The following CEBPZ variants were observed in gnomAD, a reference collection of about 807,000 sequenced individuals.
CEBPZ encodes the protein CCAAT enhancer binding protein zeta, also known as CCAAT/enhancer-binding protein zeta.
A neutral mutation model predicts 104.5 loss-of-function variants in CEBPZ; 78 were observed. The ratio of observed to expected loss-of-function variants is 0.75; its 90% confidence interval spans 0.62 to 0.90. The LOEUF (loss-of-function observed/expected upper bound fraction) is 0.90. Among genes scored for constraint, CEBPZ ranks in the 40% least tolerant of loss-of-function variants. The pLI is 0.00. For missense variants in CEBPZ, 1,439 were observed against 1,233.5 expected (o/e 1.17, Z -2.50); for synonymous variants, 470 against 427.0 (o/e 1.10, Z -1.24).
intron 13 of CEBPZ, 84 bp downstream of exon 13, chr2:37,210,915 T>A: frequency 7.6e-6 from 6 of 786,900 alleles, no homozygotes; most frequent in Non-Finnish European, 9.7e-6. Flanking sequence ...ATTAATCAAA[T>A]TTAGGAGAGT....
At chr2:37,207,901 G>C (rs60063142) in intron 13 of CEBPZ, among the ~76,000 whole-genome samples, 321 of 152,154 alleles carry the variant, frequency 2.1e-3, no homozygotes, top group African/African-American at 7.0e-3. Flanking sequence ...TAGACCATTA[G>C]CAAGATTAAC....
chr2:37,225,064 AAACAAACT>A (rs1399907958), intron 2 of CEBPZ, among the ~76,000 whole-genome samples: 7 of 151,666 alleles, frequency 4.6e-5, no homozygotes, highest in East Asian at 1.9e-4. Context: ...ACAAACAAAC[AAACAAACT>A]AACAAAAACA....
At chr2:37,204,323 G>A (rs1677444818) in intron 13 of CEBPZ, 1 of 147,652 alleles carries the variant, frequency 6.8e-6, no homozygotes, top group Non-Finnish European at 1.5e-5. Context: ...TTGTCGCCAG[G>A]CTGGAGTACA....
rs200775970 is a variant in CEBPZ at position 37,228,063 on chromosome 2, G to A, written c.1130C>T (p.Pro377Leu). Residue 377 changes from proline (P) to leucine (L), a missense_variant, in exon 2 of 16, where the codon CCT becomes CTT. By Grantham distance (98) the Pro-to-Leu change is moderately conservative. Transcript: ENST00000234170. ...CACAAGAAGAGCCTTTTCTTCCTCA[G>A]GCTTGTTACAAAGCAGCTCATGAGC... is the stretch of plus-strand genomic sequence containing the variant. The part of the protein sequence containing the change: ...TVAHELLCNK[P>L]EEEKALLVQV... 6 of 1,614,142 alleles carry A rather than the reference G, an allele frequency of 3.7e-6. No homozygotes were observed. The highest frequency in any genetic ancestry group is 2.7e-5 in the African/African-American group (2 of 75,032).
In CEBPZ at chr2:37,223,284, C is replaced by T. The variant is rs375784211; in HGVS notation, c.1767G>A (p.Arg589=). Reference sequence around the variant, plus strand: ...TCTGTTGACAAGTAACTTGAAGTAACCTCTTCACAAAAGCCTTCACCCGGC... The same window carrying T: ...TCTGTTGACAAGTAACTTGAAGTAATCTCTTCACAAAAGCCTTCACCCGGC... ...VLRRVKAFVK[R]LLQVTCQQMP... The change falls in exon 3 of 16, where the codon AGG becomes AGA. Residue 589 remains arginine, a synonymous_variant. Transcript: ENST00000234170. 10 of 1,613,956 alleles carry T rather than the reference C, an allele frequency of 6.2e-6. No individual in the cohort carries two copies. Among genetic ancestry groups the T allele is most frequent in the Non-Finnish European group, 8.5e-6 (10 of 1,180,004 alleles).
intron 2 of CEBPZ, among the ~76,000 whole-genome samples, chr2:37,224,253 T>C (rs1219727545): frequency 1.3e-5 from 2 of 152,214 alleles, no homozygotes; most frequent in African/African-American, 4.8e-5. Context: ...TCTACTTTGA[T>C]CTCATGATAC....
At chr2:37,226,682 G>A (rs977241580) in intron 2 of CEBPZ, among the ~76,000 whole-genome samples, 2 of 152,102 alleles carry the variant, frequency 1.3e-5, no homozygotes, top group African/African-American at 4.8e-5. Flanking sequence ...CCCAGGCGGC[G>A]TGGCTTAAGT....
In CEBPZ at chr2:37,231,416, G is replaced by C; in HGVS notation, c.152C>G (p.Thr51Ser). The C allele has an allele frequency of 6.2e-7, 1 of 1,613,938 alleles. No individual in the cohort carries two copies. The highest frequency in any genetic ancestry group is 8.5e-7 in the Non-Finnish European group (1 of 1,179,982). ...CCCGGAGCCCGCGGCCGTTACCTTGGTGCCTCCGAGCCGTAACACTTCCTC... is the reference window on the plus strand; with the variant it reads ...CCCGGAGCCCGCGGCCGTTACCTTGCTGCCTCCGAGCCGTAACACTTCCTC... Reference protein sequence around the residue: ...SLEEVLRLGGTKQDYLMLATL... With the variant: ...SLEEVLRLGGSKQDYLMLATL... The change falls in exon 1 of 16, where the codon ACC becomes AGC. Residue 51 changes from threonine to serine, a missense_variant. Thr to Ser is a moderately conservative substitution (Grantham distance 58, BLOSUM62 1). Transcript: ENST00000234170.
At chr2:37,210,725 C>G (rs1677694302) in intron 13 of CEBPZ, 1 of 318,678 alleles carries the variant, frequency 3.1e-6, no homozygotes, top group Non-Finnish European at 5.9e-6. Flanking sequence ...AAGAACTTAC[C>G]TATGTAACCA....
At chr2:37,211,344 AAAC>A in intron 12 of CEBPZ, 1 of 298,328 alleles carries the variant, frequency 3.4e-6, no homozygotes, top group South Asian at 1.3e-4. Flanking sequence ...AAACCCCTTA[AAAC>A]AAGAAACTTC....
chr2:37,222,673 G>A (rs574393898), intron 3 of CEBPZ, 110 bp from the exon 4 acceptor site: 10 of 686,768 alleles, frequency 1.5e-5, no homozygotes, highest in East Asian at 1.2e-4. Context: ...CTGGTGAAAC[G>A]TGAAAGTTCT....
Position 37,228,979 on chromosome 2 carries a change from T to C in CEBPZ, c.214A>G (p.Lys72Glu). The change falls in exon 2 of 16, where the codon AAA (lysine) becomes GAA (glutamate). Residue 72 changes from lysine to glutamate, a missense_variant. Physicochemically the swap from Lys to Glu is moderately conservative, Grantham distance 56. Coordinates refer to ENST00000234170, the MANE Select transcript of CEBPZ (RefSeq NM_005760.3). ...DENEEVIDGGKKGAIDDLQQG... is the reference protein window; with the variant it reads ...DENEEVIDGGEKGAIDDLQQG... ...TGAAGGTCATCGATTGCTCCTTTTT[T>C]GCCTCCATCTATCACTTCCTCATTC... is the stretch of plus-strand genomic sequence containing the variant. 1 of 1,599,478 alleles carries C rather than the reference T, an allele frequency of 6.3e-7. No homozygotes were observed. Among genetic ancestry groups the C allele is most frequent in the Non-Finnish European group, 8.5e-7 (1 of 1,175,790 alleles).
Position 37,228,928 on chromosome 2 carries a change from G to C in CEBPZ, c.265C>G (p.Gln89Glu). 6.2e-7 allele frequency: 1 copy of C among 1,611,090 alleles called. No homozygotes were observed. Residue 89 changes from glutamine to glutamate, a missense_variant, in exon 2 of 16, where the codon CAA (glutamine) becomes GAA (glutamate). Physicochemically the swap from Gln to Glu is conservative, Grantham distance 29. Coordinates refer to ENST00000234170, the MANE Select transcript of CEBPZ (RefSeq NM_005760.3). ...LQQGELEAFI[Q>E]NLNLAKYTKA... ...GTATACTTCGCCAAATTAAGATTTT[G>C]AATAAATGCTTCCAATTCACCTTGC...
chr2:37,213,685 A>T (rs1479726767), intron 10 of CEBPZ, 179 bp downstream of exon 10: 1 of 513,304 alleles, frequency 1.9e-6, no homozygotes, highest in Non-Finnish European at 3.4e-6. Flanking sequence ...AAGTGCTGGG[A>T]TTACAGGTGT....
At chr2:37,223,509 G>T in intron 2 of CEBPZ, 108 bp from the exon 3 acceptor site, 2 of 927,798 alleles carry the variant, frequency 2.2e-6, no homozygotes, top group Non-Finnish European at 3.2e-6. Flanking sequence ...GGATAACTTT[G>T]CTGCTTATTT....
In CEBPZ at chr2:37,207,975, C is replaced by T. The variant is rs534482832; in HGVS notation, c.2884+3024G>A. Among the ~76,000 whole-genome samples, 12 of 152,066 alleles carry T rather than the reference C, an allele frequency of 7.9e-5. No individual in the cohort carries two copies. The South Asian group carries it at 1.0e-3, about 13-fold the overall frequency. On this transcript the variant is annotated intron_variant, in intron 13 of 15. Transcript: ENST00000234170. ...GAGACGAAATGGGAGATACTACAACCGATACCACAGAAATACAAAAGATCA... is the reference window on the plus strand; with the variant it reads ...GAGACGAAATGGGAGATACTACAACTGATACCACAGAAATACAAAAGATCA...
chr2:37,219,402 G>C (rs1260194506), intron 5 of CEBPZ, among the ~76,000 whole-genome samples: 1 of 132,156 alleles, frequency 7.6e-6, no homozygotes, highest in Non-Finnish European at 1.8e-5. Context: ...AGTCATACTG[G>C]CTTTTTTTTT....
At chr2:37,212,165 T>C in intron 11 of CEBPZ, 126 bp from the exon 12 acceptor site, 1 of 995,822 alleles carries the variant, frequency 1.0e-6, no homozygotes, top group Non-Finnish European at 1.5e-6. Context: ...CTGCTCAGAG[T>C]AAATAATAAC....
At chr2:37,205,788 C>T (rs751483515) in intron 13 of CEBPZ, among the ~76,000 whole-genome samples, 2 of 152,318 alleles carry the variant, frequency 1.3e-5, no homozygotes, top group South Asian at 4.1e-4. Flanking sequence ...TCACCTGATA[C>T]AGCACTTTTT....
Sources: gnomAD v4.1 joint callset for allele counts (sites outside exome capture counted in the v4.1 genomes callset) on GRCh38, gnomAD v4.1.1 for gene constraint, MANE v1.5 for transcripts, NCBI Gene and HGNC (gene_info 2026-07-23, HGNC 2026-07-21) for gene names.